TMTC3: variants seen among roughly 807,000 people sequenced by gnomAD.
TMTC3 encodes the protein protein O-mannosyl-transferase TMTC3.
A neutral mutation model predicts 92.2 loss-of-function variants in TMTC3; 52 were observed. That is an observed-to-expected ratio of 0.56 (90% CI 0.45 to 0.71). The LOEUF is 0.71. TMTC3 is among the 30% of genes least tolerant of loss of function. The pLI is 0.00. For synonymous variants in TMTC3, 339 were observed against 363.3 expected, an observed-to-expected ratio of 0.93 and a Z score of 0.76; for missense variants, 896 against 1,057.1, an observed-to-expected ratio of 0.85 and a Z score of 2.11.
In TMTC3 at chr12:88,190,564, C is replaced by T; in HGVS notation, c.1648C>T (p.Gln550Ter). ...ANESRLEEADQLYRQAISMRP... is the reference protein window; with the variant it reads ...ANESRLEEAD ...TGAGTCCCGACTGGAAGAAGCAGAT[C>T]AGCTGTACCGTCAAGCAATAAGCAT... Residue 550 changes from glutamine (Q) to a stop codon, truncating the protein, a stop_gained, in exon 12 of 14, where the codon CAG becomes TAG. Coordinates refer to ENST00000266712, the MANE Select transcript of TMTC3 (RefSeq NM_181783.4). LOFTEE classifies it high-confidence loss of function. The T allele has an allele frequency of 6.2e-7, 1 of 1,613,930 alleles. No homozygotes were observed. Among genetic ancestry groups the T allele is most frequent in the Non-Finnish European group, 8.5e-7 (1 of 1,179,916 alleles).
chr12:88,156,452 A>G lies in TMTC3; in HGVS notation c.508+2065A>G, dbSNP rs550007694. Reference sequence around the variant, plus strand: ...ACTCTCTGTTTTCTTTAAGAGAATCAGCATTAAGAGGCCAGTCCACCATCC... The same window carrying G: ...ACTCTCTGTTTTCTTTAAGAGAATCGGCATTAAGAGGCCAGTCCACCATCC... On this transcript the variant is annotated intron_variant, in intron 4 of 13. Coordinates refer to ENST00000266712, the MANE Select transcript of TMTC3 (RefSeq NM_181783.4). 2.0e-5 allele frequency among the ~76,000 whole-genome samples: 3 copies of G among 152,328 alleles called. No individual in the cohort carries two copies. In the East Asian group the frequency reaches 5.8e-4, roughly 29 times the overall value.
intron 11 of TMTC3, 72 bp downstream of exon 11, chr12:88,189,018 A>G (rs1330260861): frequency 1.2e-6 from 1 of 808,982 alleles, no homozygotes; most frequent in Non-Finnish European, 2.0e-6. Flanking sequence ...ATCTAGAAGG[A>G]AAATCTTTAT....
intron 11 of TMTC3, 91 bp downstream of exon 11, chr12:88,189,037 C>T (rs190332219): frequency 5.9e-5 from 42 of 707,902 alleles, no homozygotes; most frequent in Non-Finnish European, 9.8e-5. Context: ...ATCTTTTCTT[C>T]AGTTAGTTGA....
intron 1 of TMTC3, among the ~76,000 whole-genome samples, chr12:88,147,533 C>T (rs1046731740): frequency 1.3e-5 from 2 of 152,064 alleles, no homozygotes; most frequent in African/African-American, 4.8e-5. Context: ...TATACTGTTT[C>T]ATTTTACTAG....
chr12:88,190,696 G>C, intron 12 of TMTC3, 74 bp downstream of exon 12: 1 of 1,448,798 alleles, frequency 6.9e-7, no homozygotes, highest in South Asian at 1.5e-5. Context: ...TGAATGAATT[G>C]GTTTTTTTTG....
rs182269300 is a variant in TMTC3, at chr12:88,196,449, G to A, written c.*800G>A. On this transcript the variant is annotated 3_prime_UTR_variant, in exon 14 of 14. Coordinates refer to ENST00000266712, the MANE Select transcript of TMTC3 (RefSeq NM_181783.4). ...CCAAATTATTCATGTTTCTTAGATC[G>A]TAGTCATTGAGAAGTCCCAATAACT... is the stretch of plus-strand genomic sequence containing the variant. 2.6e-3 allele frequency: 386 copies of A among 151,158 alleles called. 3 individuals are homozygous for A. Among genetic ancestry groups the A allele is most frequent in the African/African-American group, 9.0e-3 (370 of 41,134 alleles). 9.4% of individuals were successfully genotyped at this position (151,158 alleles called of 1,614,324 possible).
At chr12:88,149,822 G>GA (rs34180114) in intron 2 of TMTC3, among the ~76,000 whole-genome samples, 6 of 151,480 alleles carry the variant, frequency 4.0e-5, no homozygotes, top group African/African-American at 7.3e-5. Context: ...TCTAGCTTTT[G>GA]AAAAAAAATC....
At chr12:88,160,026 G>A in intron 4 of TMTC3, 88 bp from the exon 5 acceptor site, 3 of 814,704 alleles carry the variant, frequency 3.7e-6, no homozygotes, top group Non-Finnish European at 5.9e-6. Context: ...CACTCATATG[G>A]ATATGGAATC....
intron 10 of TMTC3, among the ~76,000 whole-genome samples, chr12:88,185,985 T>A (rs2041373615): frequency 6.6e-6 from 1 of 152,160 alleles, no homozygotes; most frequent in African/African-American, 2.4e-5. Context: ...AGAGAGTTCC[T>A]AGGAGATTCC....
chr12:88,156,813 T>TTG (rs1335653160), intron 4 of TMTC3, among the ~76,000 whole-genome samples: 3 of 144,768 alleles, frequency 2.1e-5, no homozygotes, highest in Non-Finnish European at 4.6e-5. Context: ...GTGTGTGTGT[T>TTG]TTTTTTTTTT....
intron 7 of TMTC3, among the ~76,000 whole-genome samples, chr12:88,171,698 C>G (rs2041207036): frequency 6.6e-6 from 1 of 151,998 alleles, no homozygotes; most frequent in African/African-American, 2.4e-5. Context: ...AACATACTGA[C>G]TTCATTTCCT....
intron 4 of TMTC3, among the ~76,000 whole-genome samples, chr12:88,159,752 G>T (rs926632232): frequency 9.9e-5 from 15 of 151,530 alleles, no homozygotes; most frequent in African/African-American, 3.6e-4. Flanking sequence ...AAGGTATAAA[G>T]ATATCTGTCA....
intron 12 of TMTC3, among the ~76,000 whole-genome samples, chr12:88,191,586 A>G (rs936574413): frequency 3.9e-5 from 6 of 152,202 alleles, no homozygotes; most frequent in African/African-American, 1.4e-4. Flanking sequence ...ATAGAACCAC[A>G]CTAGAAAGAT....
At chr12:88,150,135 C>G (rs1259725111) in intron 2 of TMTC3, among the ~76,000 whole-genome samples, 1 of 152,128 alleles carries the variant, frequency 6.6e-6, no homozygotes, top group East Asian at 1.9e-4. Context: ...GTCAGCTGTA[C>G]AAGAAGCATA....
At chr12:88,181,315 G>T (rs572483403) in intron 10 of TMTC3, among the ~76,000 whole-genome samples, 1 of 152,252 alleles carries the variant, frequency 6.6e-6, no homozygotes, top group East Asian at 1.9e-4. Context: ...ACATTTGTTT[G>T]CCATAACCGA....
intron 8 of TMTC3, 105 bp from the exon 9 acceptor site, chr12:88,174,502 A>C (rs1260436050): frequency 7.9e-7 from 1 of 1,272,348 alleles, no homozygotes; most frequent in Non-Finnish European, 1.1e-6. Flanking sequence ...TTAACATATG[A>C]TATTTTAGGA....
intron 10 of TMTC3, among the ~76,000 whole-genome samples, chr12:88,184,040 G>A (rs986935794): frequency 6.6e-5 from 10 of 151,956 alleles, no homozygotes; most frequent in Non-Finnish European, 1.0e-4. Context: ...ACCACCTGCC[G>A]AGTCTGTCCC....
intron 6 of TMTC3, among the ~76,000 whole-genome samples, chr12:88,165,138 T>A (rs900485543): frequency 6.6e-6 from 1 of 152,096 alleles, no homozygotes; most frequent in Non-Finnish European, 1.5e-5. Context: ...ATATGGTGCT[T>A]ATAGCATATA....
At chr12:88,155,372 G>T (rs1200476886) in intron 4 of TMTC3, among the ~76,000 whole-genome samples, 2 of 152,136 alleles carry the variant, frequency 1.3e-5, no homozygotes, top group Non-Finnish European at 2.9e-5. Context: ...AACTAATATG[G>T]AATTGCAGAC....
Sources: allele counts gnomAD v4.1 joint callset (sites outside exome capture counted in the v4.1 genomes callset), GRCh38; gene constraint gnomAD v4.1.1; transcripts MANE v1.5; gene names NCBI Gene and HGNC (gene_info 2026-07-23, HGNC 2026-07-21).